Variants in RSRC1 observed in about 807,000 individuals in gnomAD.
RSRC1 encodes the protein serine/Arginine-related protein 53.
Under a neutral mutation model 49.1 loss-of-function variants are expected in RSRC1, and 39 were observed. That is an observed-to-expected ratio of 0.79 (90% CI 0.61 to 1.04). The LOEUF (loss-of-function observed/expected upper bound fraction) is 1.04. RSRC1 is among the 50% of genes least tolerant of loss of function. The pLI is 0.00. For missense variants in RSRC1, 388 were observed against 402.4 expected (o/e 0.96, Z 0.31); for synonymous variants, 143 against 130.8 (o/e 1.09, Z -0.63).
At chr3:158,111,128 T>C (rs1270667121) in intron 1 of RSRC1, among the ~76,000 whole-genome samples, 2 of 152,242 alleles carry the variant, frequency 1.3e-5, no homozygotes, top group African/African-American at 4.8e-5. Context: ...ATTATAAAAG[T>C]TCTAAGTGAA....
intron 6 of RSRC1, among the ~76,000 whole-genome samples, chr3:158,440,775 C>T (rs1053684951): frequency 6.6e-6 from 1 of 151,970 alleles, no homozygotes; most frequent in Non-Finnish European, 1.5e-5. Flanking sequence ...GAAACCCCAT[C>T]TCTAATAAAT....
intron 7 of RSRC1, among the ~76,000 whole-genome samples, chr3:158,527,903 C>T (rs902708699): frequency 1.3e-5 from 2 of 151,756 alleles, no homozygotes; most frequent in African/African-American, 2.4e-5. Flanking sequence ...GAAATCATAA[C>T]AATATCTTTA....
intron 6 of RSRC1, among the ~76,000 whole-genome samples, chr3:158,414,753 A>C (rs1179126067): frequency 6.6e-6 from 1 of 152,076 alleles, no homozygotes; most frequent in Non-Finnish European, 1.5e-5. Context: ...GTAATTATCC[A>C]TTATTGAACT....
In RSRC1 at chr3:158,152,082, G is replaced by GT. The variant is rs67052238; in HGVS notation, c.320+28102dup. 5.5e-4 allele frequency among the ~76,000 whole-genome samples: 82 copies of GT among 148,834 alleles called. No homozygotes were observed. The Middle Eastern group carries it at 0.021, about 37-fold the overall frequency. ...AAAAATCATATCTTATGGGCAAAATGTTTTTTTTTTTCAGATATTGAATAA... is the reference window on the plus strand; with the variant it reads ...AAAAATCATATCTTATGGGCAAAATGTTTTTTTTTTTTCAGATATTGAATAA... On this transcript the variant is annotated intron_variant, in intron 3 of 9. Coordinates refer to ENST00000611884, the MANE Select transcript of RSRC1 (RefSeq NM_001271838.2).
At chr3:158,187,780 A>T (rs73874320) in intron 3 of RSRC1, among the ~76,000 whole-genome samples, 1 of 151,870 alleles carries the variant, frequency 6.6e-6, no homozygotes, top group Non-Finnish European at 1.5e-5. Context: ...GAATGTTTAT[A>T]TTTTCCCCCC....
intron 3 of RSRC1, among the ~76,000 whole-genome samples, chr3:158,181,378 C>T (rs1371912712): frequency 6.6e-5 from 10 of 152,130 alleles, no homozygotes; most frequent in Non-Finnish European, 1.2e-4. Flanking sequence ...ATATCTGTCA[C>T]CTGGGAAAGT....
chr3:158,437,969 G>C (rs1000939917), intron 6 of RSRC1, among the ~76,000 whole-genome samples: 1 of 152,182 alleles, frequency 6.6e-6, no homozygotes, highest in African/African-American at 2.4e-5. Context: ...CTTCAGCAAA[G>C]TCTCAGGATA....
intron 7 of RSRC1, among the ~76,000 whole-genome samples, chr3:158,492,860 C>T (rs918222965): frequency 6.6e-6 from 1 of 152,102 alleles, no homozygotes; most frequent in African/African-American, 2.4e-5. Context: ...ACTCCTCCCC[C>T]GCAACACACA....
At chr3:158,125,923 C>T (rs1190794251) in intron 3 of RSRC1, among the ~76,000 whole-genome samples, 4 of 151,914 alleles carry the variant, frequency 2.6e-5, no homozygotes, top group African/African-American at 7.3e-5. Flanking sequence ...TTATATATTC[C>T]AGAATAATGA....
At chr3:158,316,044 C>T (rs1232000332) in intron 5 of RSRC1, among the ~76,000 whole-genome samples, 1 of 151,890 alleles carries the variant, frequency 6.6e-6, no homozygotes, top group African/African-American at 2.4e-5. Context: ...TGGTGGCATG[C>T]ACCTGTAATC....
intron 3 of RSRC1, among the ~76,000 whole-genome samples, chr3:158,163,306 T>C (rs150586465): frequency 5.8e-4 from 88 of 152,126 alleles, no homozygotes; most frequent in African/African-American, 2.0e-3. Flanking sequence ...TCATGTGGCC[T>C]GAAATAATAT....
intron 6 of RSRC1, among the ~76,000 whole-genome samples, chr3:158,422,366 A>G (rs1457655493): frequency 3.3e-5 from 5 of 151,144 alleles, no homozygotes; most frequent in African/African-American, 1.2e-4. Context: ...GAGAATGATG[A>G]TTTCCAATTT....
intron 6 of RSRC1, among the ~76,000 whole-genome samples, chr3:158,443,767 T>TGA (rs1736516007): frequency 6.6e-6 from 1 of 152,192 alleles, no homozygotes; most frequent in African/African-American, 2.4e-5. Context: ...GCTTTTGACA[T>TGA]GCGTTCTCAC....
intron 7 of RSRC1, among the ~76,000 whole-genome samples, chr3:158,514,170 G>C (rs1740364255): frequency 1.3e-5 from 2 of 152,114 alleles, no homozygotes; most frequent in South Asian, 4.1e-4. Context: ...TTTTGAATGT[G>C]TTTCCTCTTG....
At chr3:158,255,218 A>G (rs1426399964) in intron 4 of RSRC1, among the ~76,000 whole-genome samples, 1 of 152,144 alleles carries the variant, frequency 6.6e-6, no homozygotes, top group Non-Finnish European at 1.5e-5. Context: ...TAAGTCTTCA[A>G]TCCATCTTGA....
intron 1 of RSRC1, among the ~76,000 whole-genome samples, chr3:158,119,657 A>AT (rs1254004201): frequency 2.2e-4 from 34 of 151,740 alleles, no homozygotes; most frequent in Admixed American, 2.2e-3. Context: ...GTGGGTATCT[A>AT]TTTGATATAT....
At chr3:158,485,025 G>C (rs1738763476) in intron 7 of RSRC1, among the ~76,000 whole-genome samples, 1 of 151,976 alleles carries the variant, frequency 6.6e-6, no homozygotes, top group Non-Finnish European at 1.5e-5. Flanking sequence ...TAAATCTATA[G>C]AGCCCATTTT....
At chr3:158,436,476 A>G (rs1736047677) in intron 6 of RSRC1, among the ~76,000 whole-genome samples, 1 of 151,990 alleles carries the variant, frequency 6.6e-6, no homozygotes, top group Non-Finnish European at 1.5e-5. Context: ...GCTTAAAAGT[A>G]CATGTGCCCA....
intron 3 of RSRC1, among the ~76,000 whole-genome samples, chr3:158,150,669 A>T (rs563212791): frequency 6.6e-6 from 1 of 152,148 alleles, no homozygotes; most frequent in African/African-American, 2.4e-5. Context: ...TTAGCTTGGT[A>T]GTTGGAGTGG....
Sources: allele counts gnomAD v4.1 joint callset (sites outside exome capture counted in the v4.1 genomes callset), GRCh38; gene constraint gnomAD v4.1.1; transcripts MANE v1.5; gene names NCBI Gene and HGNC (gene_info 2026-07-23, HGNC 2026-07-21).